Variants in EPHA5 observed in about 807,000 individuals in gnomAD.
EPHA5 encodes the protein EPH receptor A5, also known as ephrin type-A receptor 5.
EPHA5 carries 60 observed loss-of-function variants against 105.0 expected under a neutral mutation model. The ratio of observed to expected loss-of-function variants is 0.57; its 90% CI spans 0.46 to 0.71. The LOEUF is 0.71. Ranked by LOEUF, EPHA5 falls within the 30% of genes least tolerant of loss-of-function variation. EPHA5 has a pLI of 0.00. For synonymous variants in EPHA5, 513 were observed against 449.1 expected (o/e 1.14, Z -1.80); for missense variants, 1,218 against 1,274.7 (o/e 0.96, Z 0.68).
Position 65,331,898 on chromosome 4 carries a change from C to T in EPHA5, c.2945+75G>A, listed in dbSNP as rs898990030. On this transcript the variant is annotated intron_variant, in intron 16 of 16. Transcript: ENST00000613740. Reference sequence around the variant, plus strand: ...CGCAAAGGTTAACTGATTTCCCTTACCTCATCCAGATTGGTTTTTGAACAA... The same window carrying T: ...CGCAAAGGTTAACTGATTTCCCTTATCTCATCCAGATTGGTTTTTGAACAA... 43 of 1,531,840 alleles carry T rather than the reference C, an allele frequency of 2.8e-5. No homozygotes were observed. The African/African-American group carries it at 5.6e-4, about 20-fold the overall frequency. 94.9% of individuals were successfully genotyped at this position (1,531,840 alleles called of 1,614,324 possible).
Position 65,601,860 on chromosome 4 carries a change from T to G in EPHA5, c.691A>C (p.Lys231Gln). The change falls in exon 3 of 17, where the codon AAA becomes CAA. Residue 231 changes from lysine to glutamine, a missense_variant. Lys to Gln is a moderately conservative substitution (Grantham distance 53, BLOSUM62 1). This residue lies in a region of EPHA5 where 971 missense variants were observed against 1,013.5 expected (regional missense o/e 0.96). Transcript: ENST00000613740. ...IALVSVRVYY[K>Q]KCPSVVRHLA... The stretch of plus-strand genomic sequence containing the variant: ...TGTCGTACCACAGAAGGGCATTTTT[T>G]ATAGTATACACGCACAGAAACCAGA... 3 of 1,614,140 alleles carry G rather than the reference T, an allele frequency of 1.9e-6. No individual in the cohort carries two copies. The highest frequency in any genetic ancestry group is 2.5e-6 in the Non-Finnish European group (3 of 1,180,016).
At chr4:65,627,804 T>G (rs1047901203) in intron 2 of EPHA5, among the ~76,000 whole-genome samples, 4 of 152,162 alleles carry the variant, frequency 2.6e-5, no homozygotes, top group African/African-American at 9.6e-5. Flanking sequence ...CTTCAGTAGA[T>G]TTACACAAAG....
At chr4:65,325,811 C>A (rs1720020842) in intron 16 of EPHA5, among the ~76,000 whole-genome samples, 1 of 150,968 alleles carries the variant, frequency 6.6e-6, no homozygotes, top group Non-Finnish European at 1.5e-5. Flanking sequence ...CTGGATAATT[C>A]TTTGGCTGGA....
chr4:65,522,287 T>C (rs1560643268), intron 3 of EPHA5, among the ~76,000 whole-genome samples: 2 of 144,808 alleles, frequency 1.4e-5, no homozygotes, highest in Non-Finnish European at 3.0e-5. Context: ...GTAAATGAAC[T>C]TTAGAAATAT....
chr4:65,407,736 A>G (rs1354146984), intron 7 of EPHA5, among the ~76,000 whole-genome samples: 1 of 151,354 alleles, frequency 6.6e-6, no homozygotes, highest in Non-Finnish European at 1.5e-5. Flanking sequence ...AATATTTTCT[A>G]AAGTCCTTGA....
At position 65,550,985 on chromosome 4, in the gene EPHA5, C is replaced by A. The variant is rs140532994; in HGVS notation, c.910+50656G>T. On this transcript the variant is annotated intron_variant, in intron 3 of 16. Transcript: ENST00000613740. ...TATTTATTTTTAGAAAAGGCAACTG[C>A]TATGTATTTGTGCATTATATATATA... is the stretch of plus-strand genomic sequence containing the variant. Among the ~76,000 whole-genome samples, 552 of 151,662 alleles carry A rather than the reference C, an allele frequency of 3.6e-3. 5 individuals carry two copies. The highest frequency in any genetic ancestry group is 0.013 in the African/African-American group (531 of 41,338).
At chr4:65,632,542 A>AT (rs1203179010) in intron 2 of EPHA5, among the ~76,000 whole-genome samples, 1 of 151,658 alleles carries the variant, frequency 6.6e-6, no homozygotes, top group Non-Finnish European at 1.5e-5. Context: ...CAGCAAAAAA[A>AT]AAAAAAAAAA....
At chr4:65,473,732 T>C (rs886083662) in intron 5 of EPHA5, among the ~76,000 whole-genome samples, 1 of 152,122 alleles carries the variant, frequency 6.6e-6, no homozygotes, top group Non-Finnish European at 1.5e-5. Context: ...ATATCACTTA[T>C]ATTATGTAAT....
At chr4:65,668,743 G>A (rs891506702) in intron 1 of EPHA5, among the ~76,000 whole-genome samples, 1 of 152,118 alleles carries the variant, frequency 6.6e-6, no homozygotes, top group South Asian at 2.1e-4. Flanking sequence ...GTAGGGAGGG[G>A]GACTGGGTAC....
chr4:65,655,378 A>G (rs1748965260), intron 1 of EPHA5, among the ~76,000 whole-genome samples: 1 of 152,024 alleles, frequency 6.6e-6, no homozygotes, highest in African/African-American at 2.4e-5. Context: ...AATGCAAGCA[A>G]CTGCATTTTA....
intron 11 of EPHA5, among the ~76,000 whole-genome samples, chr4:65,354,971 T>C (rs1723161325): frequency 6.6e-6 from 1 of 151,808 alleles, no homozygotes; most frequent in African/African-American, 2.4e-5. Flanking sequence ...TTATAAAAGT[T>C]GTAAAAATGT....
Position 65,365,503 on chromosome 4 carries a change from G to GA in EPHA5, c.1988-302dup, listed in dbSNP as rs1294899291. ...AAGAATGAAATTAAAAGTAACTAATGAAAAATCACTTTTTCTTCTTTTTCT... is the reference window on the plus strand; with the variant it reads ...AAGAATGAAATTAAAAGTAACTAATGAAAAAATCACTTTTTCTTCTTTTTCT... On this transcript the variant is annotated intron_variant, in intron 10 of 16. Transcript: ENST00000613740. Among the ~76,000 whole-genome samples the GA allele has an allele frequency of 4.0e-5, 6 of 150,160 alleles. No homozygotes were observed. The East Asian group carries it at 9.9e-4, about 25-fold the overall frequency.
At chr4:65,525,457 C>T (rs1230105300) in intron 3 of EPHA5, among the ~76,000 whole-genome samples, 1 of 151,630 alleles carries the variant, frequency 6.6e-6, no homozygotes, top group East Asian at 1.9e-4. Context: ...TTTTTTTCCC[C>T]TGTCTACAGT....
At chr4:65,415,853 A>C (rs1178437394) in intron 6 of EPHA5, among the ~76,000 whole-genome samples, 1 of 152,074 alleles carries the variant, frequency 6.6e-6, no homozygotes, top group Non-Finnish European at 1.5e-5. Context: ...AGCAGTAAAA[A>C]GCAAATAATT....
intron 5 of EPHA5, among the ~76,000 whole-genome samples, chr4:65,459,202 A>G (rs1240208265): frequency 6.6e-6 from 1 of 152,064 alleles, no homozygotes; most frequent in African/African-American, 2.4e-5. Context: ...TTCAAATAGG[A>G]TATTGAAATA....
chr4:65,577,517 T>A (rs191907912), intron 3 of EPHA5, among the ~76,000 whole-genome samples: 13 of 152,300 alleles, frequency 8.5e-5, no homozygotes, highest in African/African-American at 2.9e-4. Flanking sequence ...ATGTGGTGTT[T>A]AGAAACCAAT....
Position 65,324,040 on chromosome 4 carries a change from T to TTTG in EPHA5, c.*71_*73dup. On this transcript the variant is annotated 3_prime_UTR_variant, in exon 17 of 17. Transcript: ENST00000613740. ...CACTGTTTTCCCTTTTCCCCCTTTT[T>TTTG]TTGTTAAAATAAATCTCAGTGCTGT... 1.0e-6 allele frequency: 1 copy of TTTG among 985,462 alleles called. No homozygotes were observed. Among genetic ancestry groups the TTTG allele is most frequent in the East Asian group, 2.5e-5 (1 of 39,418 alleles). 61.0% of individuals were successfully genotyped at this position (985,462 alleles called of 1,614,324 possible). A position where few individuals can be genotyped will look rare whatever the true frequency, so the allele number is the denominator to read the frequency against.
At chr4:65,473,457 G>T (rs1729487051) in intron 5 of EPHA5, among the ~76,000 whole-genome samples, 1 of 152,164 alleles carries the variant, frequency 6.6e-6, no homozygotes, top group Non-Finnish European at 1.5e-5. Context: ...TAGCTGGGAG[G>T]CCTCAGGAAA....
At chr4:65,558,402 T>C (rs1319369953) in intron 3 of EPHA5, among the ~76,000 whole-genome samples, 2 of 152,102 alleles carry the variant, frequency 1.3e-5, no homozygotes, top group African/African-American at 2.4e-5. Flanking sequence ...ATCATTAGGG[T>C]ATTTCATTTA....
Sources: gnomAD v4.1 joint callset for allele counts (sites outside exome capture counted in the v4.1 genomes callset) on GRCh38, gnomAD v4.1.1 for gene constraint, gnomAD v4.1.1 regional missense constraint, MANE v1.5 for transcripts, NCBI Gene and HGNC (gene_info 2026-07-23, HGNC 2026-07-21) for gene names.